The following STAT1 variants were observed in gnomAD, a reference collection of about 807,000 sequenced individuals.
STAT1 encodes the protein signal transducer and activator of transcription 1.
Under a neutral mutation model 111.7 loss-of-function variants are expected in STAT1, and 24 were observed. The observed-to-expected ratio is 0.21, with a 90% CI of 0.16 to 0.30. STAT1 has a LOEUF of 0.30. Among genes scored for constraint, STAT1 ranks in the 10% least tolerant of loss-of-function variants. The pLI, the probability that STAT1 is intolerant of heterozygous loss-of-function variation, is 1.00. For synonymous variants in STAT1, 332 were observed against 326.5 expected (o/e 1.02, Z -0.18); for missense variants, 351 against 911.9 (o/e 0.38, Z 7.92).
chr2:190,971,836 C>G lies in STAT1; in HGVS notation c.2239-1119G>C, dbSNP rs7562400. ...CAAGCGATCCTCCTGCCTCAGCCCCCCTAGTAGCTGGGATTACAGGCACAC... is the reference window on the plus strand; with the variant it reads ...CAAGCGATCCTCCTGCCTCAGCCCCGCTAGTAGCTGGGATTACAGGCACAC... On this transcript the variant is annotated intron_variant, in intron 24 of 24. Transcript: ENST00000361099. This position sits in a 1 kb window ranked among gnomAD's most constrained non-coding sequence, Gnocchi z 4.1. Among the ~76,000 whole-genome samples, 67,718 of 151,540 alleles carry G rather than the reference C, an allele frequency of 0.45. 15,383 individuals carry two copies. The highest frequency in any genetic ancestry group is 0.68 in the East Asian group (3,471 of 5,114).
Position 190,980,753 on chromosome 2 carries a change from T to C in STAT1, c.1583-84A>G, listed in dbSNP as rs994128892. The C allele has an allele frequency of 7.1e-7, 1 of 1,405,548 alleles. No homozygotes were observed. Among genetic ancestry groups the C allele is most frequent in the Non-Finnish European group, 1.0e-6 (1 of 995,988 alleles). The allele number at this position is 1,405,548 out of a possible 1,614,324, so 87.1% of individuals were successfully genotyped here. A position where few individuals can be genotyped will look rare whatever the true frequency, so the allele number is the denominator to read the frequency against. ...GGACGGATGGCTCTTGTATTTGCTC[T>C]CAAGGAAAAGAGCCAAACACCCAAC... On this transcript the variant is annotated intron_variant, in intron 18 of 24. Coordinates refer to ENST00000361099, the MANE Select transcript of STAT1 (RefSeq NM_007315.4). The surrounding 1 kb of genome is among the most constrained non-coding windows in gnomAD (Gnocchi z 6.1).
rs1467690683 is a variant in STAT1 at position 190,990,522 on chromosome 2, G to T, written c.1037+706C>A. On this transcript the variant is annotated intron_variant, in intron 11 of 24. Transcript: ENST00000361099. The surrounding 1 kb of genome is among the most constrained non-coding windows in gnomAD (Gnocchi z 5.1). ...ATTCCTGGAAACACTTCTACAATTA[G>T]TATCGAGGAGAAAGACTACAAAACA... 6.6e-6 allele frequency among the ~76,000 whole-genome samples: 1 copy of T among 152,206 alleles called. No homozygotes were observed. Among genetic ancestry groups the T allele is most frequent in the East Asian group, 1.9e-4 (1 of 5,206 alleles).
In STAT1 at chr2:190,995,436, A is replaced by T. The variant is rs922417294; in HGVS notation, c.786-217T>A. Among the ~76,000 whole-genome samples the T allele has an allele frequency of 5.3e-5, 8 of 152,244 alleles. No homozygotes were observed. Among genetic ancestry groups the T allele is most frequent in the African/African-American group, 1.9e-4 (8 of 41,458 alleles). On this transcript the variant is annotated intron_variant, in intron 9 of 24. Coordinates refer to ENST00000361099, the MANE Select transcript of STAT1 (RefSeq NM_007315.4). This position sits in a 1 kb window ranked among gnomAD's most constrained non-coding sequence, Gnocchi z 4.2. ...CAGAAGGCAAATGAGGAGCAAAGTC[A>T]CATCTTACATGGTGGCAGGCAAGAG...
At chr2:191,013,037 T>A (rs1260080512) in intron 2 of STAT1, among the ~76,000 whole-genome samples, 1 of 151,710 alleles carries the variant, frequency 6.6e-6, no homozygotes, top group African/African-American at 2.4e-5. Context: ...GGGGAGGGGG[T>A]AGAGTAGTGG....
rs1256555672 is a variant in STAT1, at chr2:191,006,029, G to C, written c.372+1534C>G. ...GGATGAGGTTCATGTGGGAGAGCAG[G>C]GGTCACCTACTCTGCTGCCAATGCC... is the stretch of plus-strand genomic sequence containing the variant. On this transcript the variant is annotated intron_variant, in intron 5 of 24. Transcript: ENST00000361099. This position sits in a 1 kb window ranked among gnomAD's most constrained non-coding sequence, Gnocchi z 4.6. 1.3e-5 allele frequency among the ~76,000 whole-genome samples: 2 copies of C among 152,338 alleles called. No homozygotes were observed. The highest frequency in any genetic ancestry group is 3.9e-4 in the East Asian group (2 of 5,190).
chr2:191,005,300 A>C (rs1364289587), intron 5 of STAT1, among the ~76,000 whole-genome samples: 1 of 152,194 alleles, frequency 6.6e-6, no homozygotes, highest in East Asian at 1.9e-4. Context: ...CAGACATCAC[A>C]CCATTCCATA....
chr2:190,995,915 G>C lies in STAT1; in HGVS notation c.786-696C>G, dbSNP rs904110901. 6.6e-6 allele frequency among the ~76,000 whole-genome samples: 1 copy of C among 152,194 alleles called. No homozygotes were observed. Among genetic ancestry groups the C allele is most frequent in the Admixed American group, 6.5e-5 (1 of 15,286 alleles). On this transcript the variant is annotated intron_variant, in intron 9 of 24. Coordinates refer to ENST00000361099, the MANE Select transcript of STAT1 (RefSeq NM_007315.4). The surrounding 1 kb of genome is among the most constrained non-coding windows in gnomAD (Gnocchi z 4.2). ...CAGGGCAAAGAGGAGGCCAGAGGCAGGGAAAACAGCAAAGCAGGTGCTTCC... is the reference window on the plus strand; with the variant it reads ...CAGGGCAAAGAGGAGGCCAGAGGCACGGAAAACAGCAAAGCAGGTGCTTCC...
Position 190,977,075 on chromosome 2 carries a change from AGAG to A in STAT1, c.1874-53_1874-51del. 2 of 1,580,290 alleles carry A rather than the reference AGAG, an allele frequency of 1.3e-6. No individual in the cohort carries two copies. Among genetic ancestry groups the A allele is most frequent in the South Asian group, 1.1e-5 (1 of 90,314 alleles). On this transcript the variant is annotated intron_variant, in intron 21 of 24. Transcript: ENST00000361099. The surrounding 1 kb of genome is among the most constrained non-coding windows in gnomAD (Gnocchi z 4.7). ...ATCCCATAGAACATCCCAAAATGAA[AGAG>A]GACAGAGAAATAAAACACTGCAGAG...
chr2:190,992,651 TC>T, intron 10 of STAT1: 1 of 1,216,740 alleles, frequency 8.2e-7, no homozygotes. Context: ...AGCAGGAACC[TC>T]CACCTGACTG....
rs893996158 is a variant in STAT1 at position 190,983,287 on chromosome 2, A to C, written c.1446+355T>G. Among the ~76,000 whole-genome samples the C allele has an allele frequency of 6.6e-6, 1 of 152,236 alleles. No individual in the cohort carries two copies. Among genetic ancestry groups the C allele is most frequent in the African/African-American group, 2.4e-5 (1 of 41,448 alleles). On this transcript the variant is annotated intron_variant, in intron 17 of 24. Transcript: ENST00000361099. This position sits in a 1 kb window ranked among gnomAD's most constrained non-coding sequence, Gnocchi z 5.7. ...AGTGTTCCTGGTGACTTTAAAAAAC[A>C]TAAGTACTTTGAATAATTATAAATG...
In STAT1 at chr2:190,980,608, G is replaced by A. The variant is rs201591153; in HGVS notation, c.1632+12C>T. Reference sequence around the variant, plus strand: ...AAGGACTTAGAGAGCATAAAACCCAGACAGTCCTCACCTTACAAAACCTCG... The same window carrying A: ...AAGGACTTAGAGAGCATAAAACCCAAACAGTCCTCACCTTACAAAACCTCG... On this transcript the variant is annotated intron_variant, in intron 19 of 24. Transcript: ENST00000361099. This position sits in a 1 kb window ranked among gnomAD's most constrained non-coding sequence, Gnocchi z 6.1. 6.2e-7 allele frequency: 1 copy of A among 1,614,058 alleles called. No homozygotes were observed.
In STAT1 at chr2:190,995,371, C is replaced by G; in HGVS notation, c.786-152G>C. 1.2e-6 allele frequency: 1 copy of G among 816,022 alleles called. No individual in the cohort carries two copies. Among genetic ancestry groups the G allele is most frequent in the East Asian group, 2.7e-5 (1 of 37,528 alleles). 50.5% of individuals were successfully genotyped at this position (816,022 alleles called of 1,614,324 possible). The stretch of plus-strand genomic sequence containing the variant: ...TTATAAAGGAAAGAGGTTTAATTGA[C>G]ACATAGTTCCACATGGCTGAGGAGG... On this transcript the variant is annotated intron_variant, in intron 9 of 24. Transcript: ENST00000361099. This position sits in a 1 kb window ranked among gnomAD's most constrained non-coding sequence, Gnocchi z 4.2.
Position 190,970,620 on chromosome 2 carries a change from G to T in STAT1, c.*83C>A. 6.8e-7 allele frequency: 1 copy of T among 1,466,628 alleles called. No homozygotes were observed. The highest frequency in any genetic ancestry group is 9.5e-7 in the Non-Finnish European group (1 of 1,047,266). 90.9% of individuals were successfully genotyped at this position (1,466,628 alleles called of 1,614,324 possible). A position where few individuals can be genotyped will look rare whatever the true frequency, so the allele number is the denominator to read the frequency against. Reference sequence around the variant, plus strand: ...TTTCTTTCATTTCCCTAGAAACACAGGATGTGAAGGAACAGAGTAGCAGGA... The same window carrying T: ...TTTCTTTCATTTCCCTAGAAACACATGATGTGAAGGAACAGAGTAGCAGGA... On this transcript the variant is annotated 3_prime_UTR_variant, in exon 25 of 25. Coordinates refer to ENST00000361099, the MANE Select transcript of STAT1 (RefSeq NM_007315.4). The surrounding 1 kb of genome is among the most constrained non-coding windows in gnomAD (Gnocchi z 5.4).
At position 191,012,863 on chromosome 2, in the gene STAT1, G is replaced by A. The variant is rs541176190; in HGVS notation, c.-2+662C>T. 4.5e-4 allele frequency among the ~76,000 whole-genome samples: 68 copies of A among 152,310 alleles called. No homozygotes were observed. The highest frequency in any genetic ancestry group is 5.4e-4 in the Non-Finnish European group (37 of 68,024). ...TAAATCCTATAGCATTCAAAGCTAT[G>A]TACAAAAGCCCCTTCTTTCATAAAG... On this transcript the variant is annotated intron_variant, in intron 2 of 24. Transcript: ENST00000361099. This position sits in a 1 kb window ranked among gnomAD's most constrained non-coding sequence, Gnocchi z 4.0.
In STAT1 at chr2:190,985,696, G is replaced by T. The variant is rs374416495; in HGVS notation, c.1222-36C>A. On this transcript the variant is annotated intron_variant, in intron 14 of 24. Transcript: ENST00000361099. ...AATAATCATCTTAGTAAACACCATG[G>T]TAATGGTCAAAGTTGCTATCTTCAT... The T allele has an allele frequency of 1.9e-6, 3 of 1,594,410 alleles. No homozygotes were observed. The African/African-American group carries it at 4.0e-5, about 21-fold the overall frequency.
Position 190,984,176 on chromosome 2 carries a change from G to A in STAT1, c.1347+134C>T. On this transcript the variant is annotated intron_variant, in intron 16 of 24. Transcript: ENST00000361099. This position sits in a 1 kb window ranked among gnomAD's most constrained non-coding sequence, Gnocchi z 5.2. ...TGGACCATAAATTAAGGTTAAGATA[G>A]TATTAGCTGAAAAAGATCATTTTAA... 2.7e-6 allele frequency: 2 copies of A among 753,562 alleles called. No individual in the cohort carries two copies. Among genetic ancestry groups the A allele is most frequent in the South Asian group, 3.2e-5 (2 of 62,446 alleles). 46.7% of individuals were successfully genotyped at this position (753,562 alleles called of 1,614,324 possible).
intron 24 of STAT1, among the ~76,000 whole-genome samples, chr2:190,972,990 T>C (rs1439743276): frequency 6.6e-6 from 1 of 152,142 alleles, no homozygotes; most frequent in Non-Finnish European, 1.5e-5. Flanking sequence ...TCTCACAGTA[T>C]CATCCTGAGA....
Position 190,986,759 on chromosome 2 carries a change from C to T in STAT1, c.1221+95G>A, listed in dbSNP as rs2066799. 58,844 of 1,184,584 alleles carry T rather than the reference C, an allele frequency of 0.05. 2,294 individuals are homozygous for T. Among genetic ancestry groups the T allele is most frequent in the Admixed American group, 0.16 (9,509 of 59,052 alleles). The allele number at this position is 1,184,584 out of a possible 1,614,324, so 73.4% of individuals were successfully genotyped here. ...AAGTCTACAAACCCCAGCAGGGGGG[C>T]GTCCTCCACATGGCAATGTGCCAAA... On this transcript the variant is annotated intron_variant, in intron 14 of 24. Transcript: ENST00000361099. The surrounding 1 kb of genome is among the most constrained non-coding windows in gnomAD (Gnocchi z 5.0).
rs1018473217 is a variant in STAT1, at chr2:190,981,462, G to A, written c.1583-793C>T. Among the ~76,000 whole-genome samples the A allele has an allele frequency of 3.3e-5, 5 of 152,272 alleles. No individual in the cohort carries two copies. The highest frequency in any genetic ancestry group is 1.9e-4 in the East Asian group (1 of 5,188). ...TAAAGCAGCCTGGGCGAGAAGAGGCGGTAAGCCCATTATCGGTCTTCAAAG... is the reference window on the plus strand; with the variant it reads ...TAAAGCAGCCTGGGCGAGAAGAGGCAGTAAGCCCATTATCGGTCTTCAAAG... On this transcript the variant is annotated intron_variant, in intron 18 of 24. Coordinates refer to ENST00000361099, the MANE Select transcript of STAT1 (RefSeq NM_007315.4). This position sits in a 1 kb window ranked among gnomAD's most constrained non-coding sequence, Gnocchi z 4.1.
Sources: allele counts gnomAD v4.1 joint callset (sites outside exome capture counted in the v4.1 genomes callset), GRCh38; gene constraint gnomAD v4.1.1; non-coding constraint Gnocchi (gnomAD v3.1); transcripts MANE v1.5; gene names NCBI Gene and HGNC (gene_info 2026-07-23, HGNC 2026-07-21).